The following CAMK1D variants were observed in gnomAD, a reference collection of about 807,000 sequenced individuals.
CAMK1D encodes the protein calcium/calmodulin dependent protein kinase ID.
A neutral mutation model predicts 47.7 loss-of-function variants in CAMK1D; 9 were observed. The observed-to-expected ratio is 0.19, with a 90% confidence interval of 0.11 to 0.33. The LOEUF (loss-of-function observed/expected upper bound fraction) is 0.33, where lower values mean the gene tolerates loss of function less well. Ranked by LOEUF, CAMK1D falls within the 10% of genes least tolerant of loss-of-function variation. The pLI, the probability that CAMK1D is intolerant of heterozygous loss-of-function variation, is 1.00. For missense variants in CAMK1D, 291 were observed against 488.7 expected, an observed-to-expected ratio of 0.60 and a Z score of 3.81; for synonymous variants, 184 against 184.9, an observed-to-expected ratio of 0.99 and a Z score of 0.04.
rs186690390 is a variant in CAMK1D at position 12,573,778 on chromosome 10, G to A, written c.224+20422G>A. The stretch of plus-strand genomic sequence containing the variant: ...CAAGGGATCCTCCCACCTCAGCCTC[G>A]CAAGTAGCTGGGATTACAAGCACGT... On this transcript the variant is annotated intron_variant, in intron 2 of 10. Coordinates refer to ENST00000619168, the MANE Select transcript of CAMK1D (RefSeq NM_153498.4). Among the ~76,000 whole-genome samples the A allele has an allele frequency of 2.6e-3, 383 of 145,716 alleles. 2 individuals carry two copies. The highest frequency in any genetic ancestry group is 4.2e-3 in the Non-Finnish European group (281 of 66,898).
chr10:12,527,386 G>A (rs1424979015), intron 1 of CAMK1D, among the ~76,000 whole-genome samples: 2 of 129,454 alleles, frequency 1.5e-5, no homozygotes, highest in African/African-American at 3.0e-5. Context: ...AGGGAGTGTC[G>A]CTCTGTTGCC....
intron 1 of CAMK1D, among the ~76,000 whole-genome samples, chr10:12,543,172 C>T (rs111841977): frequency 0.019 from 2,873 of 152,226 alleles, 78 homozygotes; most frequent in South Asian, 0.061. Flanking sequence ...CTCAGCCTCC[C>T]GAGTTGCCGG....
chr10:12,726,071 A>G lies in CAMK1D; in HGVS notation c.300-34877A>G, dbSNP rs74355422. On this transcript the variant is annotated intron_variant, in intron 3 of 10. Coordinates refer to ENST00000619168, the MANE Select transcript of CAMK1D (RefSeq NM_153498.4). ...GTCACCCGGCCTGGTTTTCTAGTATATAGACTATTTCTCTTTTTACTTAAC... is the reference window on the plus strand; with the variant it reads ...GTCACCCGGCCTGGTTTTCTAGTATGTAGACTATTTCTCTTTTTACTTAAC... Among the ~76,000 whole-genome samples, 1,512 of 151,992 alleles carry G rather than the reference A, an allele frequency of 9.9e-3. 30 individuals are homozygous for G. Among genetic ancestry groups the G allele is most frequent in the African/African-American group, 0.035 (1,458 of 41,464 alleles).
chr10:12,611,161 A>C (rs1838607613), intron 2 of CAMK1D, among the ~76,000 whole-genome samples: 1 of 152,098 alleles, frequency 6.6e-6, no homozygotes, highest in Non-Finnish European at 1.5e-5. Context: ...TCTGTTTCCT[A>C]ATCACCACCT....
At chr10:12,723,497 G>A (rs1246724622) in intron 3 of CAMK1D, among the ~76,000 whole-genome samples, 1 of 152,118 alleles carries the variant, frequency 6.6e-6, no homozygotes, top group African/African-American at 2.4e-5. Context: ...TGAAAATACC[G>A]CAGTAGTATT....
chr10:12,696,258 C>T (rs1833292058), intron 3 of CAMK1D, among the ~76,000 whole-genome samples: 1 of 151,782 alleles, frequency 6.6e-6, no homozygotes, highest in Non-Finnish European at 1.5e-5. Context: ...TTCAATTGGC[C>T]AGGCCTGGTG....
At chr10:12,441,680 A>G (rs1294858932) in intron 1 of CAMK1D, among the ~76,000 whole-genome samples, 1 of 152,050 alleles carries the variant, frequency 6.6e-6, no homozygotes, top group Non-Finnish European at 1.5e-5. Flanking sequence ...GTGTGGTGAC[A>G]CATGCCTGTA....
chr10:12,706,725 AG>A (rs1394376111), intron 3 of CAMK1D, among the ~76,000 whole-genome samples: 1 of 151,408 alleles, frequency 6.6e-6, no homozygotes, highest in African/African-American at 2.4e-5. Context: ...TGGGCAACAG[AG>A]TAAGACCCTG....
intron 4 of CAMK1D, among the ~76,000 whole-genome samples, chr10:12,762,481 C>G (rs994423637): frequency 1.3e-5 from 2 of 152,050 alleles, no homozygotes; most frequent in African/African-American, 4.8e-5. Flanking sequence ...TTCCATTGAC[C>G]CAGGCAGTGA....
At chr10:12,618,863 C>G (rs893340266) in intron 2 of CAMK1D, among the ~76,000 whole-genome samples, 2 of 152,088 alleles carry the variant, frequency 1.3e-5, no homozygotes, top group Non-Finnish European at 2.9e-5. Context: ...TACGCATAAC[C>G]CTGTGAAGGT....
At chr10:12,822,658 G>A (rs1644390) in intron 8 of CAMK1D, among the ~76,000 whole-genome samples, 3,627 of 152,272 alleles carry the variant, frequency 0.024, 62 homozygotes, top group Non-Finnish European at 0.036. Flanking sequence ...TGGCCTTGTC[G>A]TTTCTAAGAA....
chr10:12,677,807 G>T (rs1840861724), intron 3 of CAMK1D, among the ~76,000 whole-genome samples: 1 of 152,102 alleles, frequency 6.6e-6, no homozygotes, highest in Admixed American at 6.5e-5. Context: ...TCCATGAGTG[G>T]TTTTGTCCTG....
chr10:12,548,596 C>G (rs1007420532), intron 1 of CAMK1D, among the ~76,000 whole-genome samples: 6 of 151,770 alleles, frequency 4.0e-5, no homozygotes, highest in African/African-American at 9.7e-5. Context: ...TCCCAAGTAG[C>G]TGGTATGACA....
At chr10:12,713,299 A>G (rs866199672) in intron 3 of CAMK1D, among the ~76,000 whole-genome samples, 3 of 152,202 alleles carry the variant, frequency 2.0e-5, no homozygotes, top group African/African-American at 7.2e-5. Context: ...AAGAAGTCAA[A>G]TGATAGGCAA....
At chr10:12,401,235 ATTTT>A in intron 1 of CAMK1D, among the ~76,000 whole-genome samples, 1 of 37,382 alleles carries the variant, frequency 2.7e-5, no homozygotes, top group Non-Finnish European at 4.5e-5. Context: ...TTATATATAT[ATTTT>A]ATATATATAT....
intron 6 of CAMK1D, among the ~76,000 whole-genome samples, chr10:12,810,475 A>G (rs764959225): frequency 6.6e-6 from 1 of 152,088 alleles, no homozygotes; most frequent in African/African-American, 2.4e-5. Flanking sequence ...GGGTTTCACC[A>G]TGTTGGCCAG....
chr10:12,557,665 T>C (rs1438076394), intron 2 of CAMK1D, among the ~76,000 whole-genome samples: 1 of 152,220 alleles, frequency 6.6e-6, no homozygotes, highest in African/African-American at 2.4e-5. Flanking sequence ...TCTTTGTTGA[T>C]TTCCACACTA....
intron 3 of CAMK1D, among the ~76,000 whole-genome samples, chr10:12,738,461 A>T (rs1835277393): frequency 6.6e-6 from 1 of 152,248 alleles, no homozygotes; most frequent in South Asian, 2.1e-4. Flanking sequence ...AAATGTAAAC[A>T]AAGATATTTA....
rs145642499 is a variant in CAMK1D, at chr10:12,430,318, C to T, written c.92+80408C>T. 8.5e-3 allele frequency among the ~76,000 whole-genome samples: 1,299 copies of T among 152,304 alleles called. 7 individuals are homozygous for T. Among genetic ancestry groups the T allele is most frequent in the Non-Finnish European group, 0.014 (936 of 68,026 alleles). On this transcript the variant is annotated intron_variant, in intron 1 of 10. Transcript: ENST00000619168. The stretch of plus-strand genomic sequence containing the variant: ...ACACGATCCGCTCTCCCGGAGAGCA[C>T]AGCCCCACAAGGCACTGACCAGCCC...
Sources: gnomAD v4.1 joint callset for allele counts (sites outside exome capture counted in the v4.1 genomes callset) on GRCh38, gnomAD v4.1.1 for gene constraint, MANE v1.5 for transcripts, NCBI Gene and HGNC (gene_info 2026-07-23, HGNC 2026-07-21) for gene names.